Variants in BMPR1B observed in about 807,000 individuals in gnomAD.
The protein encoded by BMPR1B is bone morphogenetic protein receptor type 1B, also known as bone morphogenetic protein receptor type-1B.
In BMPR1B, 12 loss-of-function variants were observed where a neutral mutation model predicts 59.1. The ratio of observed to expected loss-of-function variants is 0.20; its 90% CI spans 0.13 to 0.33. BMPR1B has a LOEUF of 0.33. Ranked by LOEUF, BMPR1B falls within the 10% of genes least tolerant of loss-of-function variation. The pLI is 1.00. For synonymous variants in BMPR1B, 237 were observed against 207.3 expected (o/e 1.14, Z -1.23); for missense variants, 550 against 610.9 (o/e 0.90, Z 1.05).
At chr4:94,762,810 G>T (rs969838337) in intron 1 of BMPR1B, among the ~76,000 whole-genome samples, 3 of 150,898 alleles carry the variant, frequency 2.0e-5, no homozygotes, top group Admixed American at 1.3e-4. Flanking sequence ...ATCAGACATT[G>T]TTCTTATCGT....
chr4:95,148,997 A>G (rs1407783233), intron 11 of BMPR1B, 74 bp downstream of exon 11: 11 of 1,555,660 alleles, frequency 7.1e-6, no homozygotes, highest in Non-Finnish European at 7.1e-6. Flanking sequence ...TCAGAAATCA[A>G]AGTTATCATA....
chr4:94,808,322 C>T (rs928418391), intron 1 of BMPR1B, among the ~76,000 whole-genome samples: 3 of 152,066 alleles, frequency 2.0e-5, no homozygotes, highest in Admixed American at 2.0e-4. Flanking sequence ...TTAGTCTATA[C>T]CTTTTTCTCT....
At position 95,142,673 on chromosome 4, in the gene BMPR1B, C is replaced by A. The variant is rs901735227; in HGVS notation, c.1077-6075C>A. Among the ~76,000 whole-genome samples the A allele has an allele frequency of 2.3e-4, 35 of 152,052 alleles. 1 individual carries two copies. The highest frequency in any genetic ancestry group is 8.5e-4 in the African/African-American group (35 of 41,400). On this transcript the variant is annotated intron_variant, in intron 10 of 12. Transcript: ENST00000515059. Reference sequence around the variant, plus strand: ...CAAAGGCTCAATGAGGTAGAGCCACCTTGTTGGAGCTAGCAACTCTTTCCC... The same window carrying A: ...CAAAGGCTCAATGAGGTAGAGCCACATTGTTGGAGCTAGCAACTCTTTCCC...
intron 2 of BMPR1B, among the ~76,000 whole-genome samples, chr4:94,992,096 C>T (rs1402554384): frequency 6.6e-6 from 1 of 152,174 alleles, no homozygotes; most frequent in Admixed American, 6.5e-5. Flanking sequence ...TTGGCAGAGA[C>T]CCAGCCACTC....
At chr4:94,977,629 C>T (rs1227403849) in intron 2 of BMPR1B, among the ~76,000 whole-genome samples, 2 of 151,950 alleles carry the variant, frequency 1.3e-5, no homozygotes, top group African/African-American at 4.8e-5. Context: ...GAGGCCGAGG[C>T]GGGCAGATCA....
intron 2 of BMPR1B, among the ~76,000 whole-genome samples, chr4:94,983,500 A>T (rs918757138): frequency 1.3e-5 from 2 of 152,346 alleles, no homozygotes; most frequent in South Asian, 2.1e-4. Context: ...AATCACATTT[A>T]AAAAATTTGA....
intron 1 of BMPR1B, among the ~76,000 whole-genome samples, chr4:94,771,832 C>A (rs1722198561): frequency 6.6e-6 from 1 of 152,040 alleles, no homozygotes; most frequent in Non-Finnish European, 1.5e-5. Context: ...TAGAGGGATG[C>A]AAGATGAAGA....
chr4:95,099,734 T>C (rs920722237), intron 3 of BMPR1B, among the ~76,000 whole-genome samples: 4 of 152,214 alleles, frequency 2.6e-5, no homozygotes, highest in African/African-American at 9.6e-5. Context: ...CCTATACCTC[T>C]TTTCGTTGTT....
At chr4:94,941,073 C>G (rs943908501) in intron 2 of BMPR1B, among the ~76,000 whole-genome samples, 1 of 152,130 alleles carries the variant, frequency 6.6e-6, no homozygotes, top group South Asian at 2.1e-4. Context: ...GTTTCTTTCT[C>G]CATGTGCCTT....
Position 95,154,667 on chromosome 4 carries a change from A to T in BMPR1B, c.1503A>T (p.Lys501Asn). The change falls in exon 13 of 13, where the codon AAA becomes AAT. Residue 501 changes from lysine (K) to asparagine (N), a missense_variant. Transcript: ENST00000515059. ...LAKMSESQDI[K>N]L ...AAATGTCAGAGTCCCAGGACATTAA[A>T]CTCTGATAGGAGAGGAAAAGTAAGC... The T allele has an allele frequency of 6.2e-7, 1 of 1,614,018 alleles. No individual in the cohort carries two copies. Among genetic ancestry groups the T allele is most frequent in the Non-Finnish European group, 8.5e-7 (1 of 1,179,944 alleles).
intron 1 of BMPR1B, among the ~76,000 whole-genome samples, chr4:94,841,483 G>C (rs968649695): frequency 1.4e-4 from 21 of 152,128 alleles, no homozygotes; most frequent in Non-Finnish European, 2.2e-4. Flanking sequence ...TTTTTAAGCC[G>C]GTCGGAAAAG....
chr4:95,014,456 A>T (rs1482027753), intron 3 of BMPR1B, among the ~76,000 whole-genome samples: 2 of 152,160 alleles, frequency 1.3e-5, no homozygotes, highest in African/African-American at 4.8e-5. Flanking sequence ...TGATGAATCA[A>T]TTTCAATTTT....
At chr4:94,805,958 G>A (rs4467574) in intron 1 of BMPR1B, among the ~76,000 whole-genome samples, 83,809 of 151,958 alleles carry the variant, frequency 0.55, 23,255 homozygotes, top group Middle Eastern at 0.7. Flanking sequence ...GATTTTCCAT[G>A]CAACCTAGAA....
intron 1 of BMPR1B, among the ~76,000 whole-genome samples, chr4:94,795,026 A>G (rs370504699): frequency 1.4e-5 from 2 of 140,860 alleles, no homozygotes; most frequent in East Asian, 2.1e-4. Flanking sequence ...TCTCCTGCCT[A>G]ATTGCCCTGG....
intron 2 of BMPR1B, among the ~76,000 whole-genome samples, chr4:94,971,314 T>G (rs1192545055): frequency 6.6e-6 from 1 of 152,178 alleles, no homozygotes; most frequent in African/African-American, 2.4e-5. Flanking sequence ...TTTGACAACA[T>G]ATGTATTAAT....
chr4:94,879,256 G>C (rs180746977), intron 2 of BMPR1B, among the ~76,000 whole-genome samples: 101 of 152,200 alleles, frequency 6.6e-4, no homozygotes, highest in African/African-American at 2.3e-3. Flanking sequence ...ATACTTCCTG[G>C]TAGAATAGAA....
intron 3 of BMPR1B, among the ~76,000 whole-genome samples, chr4:95,102,005 A>G (rs980956225): frequency 4.6e-5 from 7 of 152,294 alleles, no homozygotes; most frequent in Middle Eastern, 3.4e-3. Flanking sequence ...AAATTATACT[A>G]TAACATTTTT....
At chr4:94,895,517 G>A (rs946345921) in intron 2 of BMPR1B, among the ~76,000 whole-genome samples, 1 of 151,642 alleles carries the variant, frequency 6.6e-6, no homozygotes, top group East Asian at 1.9e-4. Flanking sequence ...ACATATTCAG[G>A]TTCTTTTAAG....
intron 2 of BMPR1B, among the ~76,000 whole-genome samples, chr4:94,907,315 A>G (rs1728083891): frequency 6.6e-6 from 1 of 152,038 alleles, no homozygotes. Flanking sequence ...TTTGTTTTTG[A>G]CCCAGAATGG....
Sources: gnomAD v4.1 joint callset for allele counts (sites outside exome capture counted in the v4.1 genomes callset) on GRCh38, gnomAD v4.1.1 for gene constraint, MANE v1.5 for transcripts, NCBI Gene and HGNC (gene_info 2026-07-23, HGNC 2026-07-21) for gene names.